Variants in ARHGEF26 observed in about 807,000 individuals in gnomAD.
The protein encoded by ARHGEF26 is Rho guanine nucleotide exchange factor 26, also known as Rho guanine nucleotide exchange factor (GEF) 26.
A neutral mutation model predicts 89.4 loss-of-function variants in ARHGEF26; 59 were observed. The ratio of observed to expected loss-of-function variants is 0.66; its 90% CI spans 0.54 to 0.82. The LOEUF (loss-of-function observed/expected upper bound fraction) is 0.82. Ranked by LOEUF, ARHGEF26 falls within the 40% of genes least tolerant of loss-of-function variation. The probability of loss-of-function intolerance (pLI) is 0.00; values close to 1 mark genes in which losing one functional copy is unlikely to be tolerated. For synonymous variants in ARHGEF26, 500 were observed against 428.4 expected, an observed-to-expected ratio of 1.17 and a Z score of -2.06; for missense variants, 1,234 against 1,085.6, an observed-to-expected ratio of 1.14 and a Z score of -1.92.
intron 9 of ARHGEF26, among the ~76,000 whole-genome samples, chr3:154,203,290 TG>T (rs1427638753): frequency 6.6e-6 from 1 of 152,206 alleles, no homozygotes; most frequent in Admixed American, 6.5e-5. Flanking sequence ...GTTTATATGC[TG>T]GATTACATTT....
At position 154,122,442 on chromosome 3, in the gene ARHGEF26, T is replaced by C; in HGVS notation, c.450T>C (p.Pro150=). The C allele has an allele frequency of 6.2e-7, 1 of 1,611,792 alleles. No homozygotes were observed. The highest frequency in any genetic ancestry group is 2.2e-5 in the East Asian group (1 of 44,832). ...PPPVLRPPRT[P]NAPAPCTPEE... Reference sequence around the variant, plus strand: ...CGGTTCTGCGCCCCCCGCGGACTCCTAACGCGCCCGCCCCCTGCACCCCCG... The same window carrying C: ...CGGTTCTGCGCCCCCCGCGGACTCCCAACGCGCCCGCCCCCTGCACCCCCG... Residue 150 remains proline, a synonymous_variant, in exon 2 of 15, where the codon CCT becomes CCC. Transcript: ENST00000465093.
intron 5 of ARHGEF26, among the ~76,000 whole-genome samples, chr3:154,150,218 AT>A (rs1201692537): frequency 6.6e-6 from 1 of 151,958 alleles, no homozygotes; most frequent in Admixed American, 6.6e-5. Context: ...TTTAAAAAAA[AT>A]AATAGTATAG....
intron 6 of ARHGEF26, chr3:154,187,180 A>G: frequency 2.0e-6 from 2 of 982,262 alleles, no homozygotes; most frequent in Non-Finnish European, 2.4e-6. Flanking sequence ...GTGAGCCACC[A>G]CACCTCCTGG....
chr3:154,201,571 A>G lies in ARHGEF26; in HGVS notation c.1845+6853A>G, dbSNP rs533215210. 4.7e-3 allele frequency among the ~76,000 whole-genome samples: 718 copies of G among 152,312 alleles called. 4 individuals are homozygous for G. Among genetic ancestry groups the G allele is most frequent in the Non-Finnish European group, 8.0e-3 (547 of 68,026 alleles). ...ATTTCTAGTTCTAGATCCCTGAGGA[A>G]TCGCCACACTGACTTCCACAATGGT... On this transcript the variant is annotated intron_variant, in intron 9 of 14. Coordinates refer to ENST00000465093, the MANE Select transcript of ARHGEF26 (RefSeq NM_015595.4).
intron 4 of ARHGEF26, among the ~76,000 whole-genome samples, chr3:154,138,715 A>G (rs761949277): frequency 9.2e-5 from 14 of 152,338 alleles, no homozygotes; most frequent in Non-Finnish European, 2.1e-4. Flanking sequence ...AACAGGGTCC[A>G]GACAGAGAGG....
At chr3:154,234,965 T>C (rs938917246) in intron 11 of ARHGEF26, among the ~76,000 whole-genome samples, 6 of 152,148 alleles carry the variant, frequency 3.9e-5, no homozygotes, top group South Asian at 2.1e-4. Context: ...GGTTTCACCG[T>C]GTTATCCAGG....
intron 4 of ARHGEF26, among the ~76,000 whole-genome samples, chr3:154,146,344 A>G (rs1719707373): frequency 2.0e-5 from 3 of 152,216 alleles, no homozygotes; most frequent in Admixed American, 2.0e-4. Context: ...GGATTTCAAT[A>G]TATGAATTTG....
intron 10 of ARHGEF26, among the ~76,000 whole-genome samples, chr3:154,219,869 G>A (rs913702860): frequency 4.0e-5 from 6 of 150,854 alleles, no homozygotes; most frequent in South Asian, 2.1e-4. Context: ...AGCCGAGATC[G>A]TGCCACTGCA....
chr3:154,221,999 A>G (rs1716161675), intron 10 of ARHGEF26, among the ~76,000 whole-genome samples: 1 of 152,218 alleles, frequency 6.6e-6, no homozygotes, highest in African/African-American at 2.4e-5. Flanking sequence ...TGCCATTTTC[A>G]CATTTATCTG....
Position 154,122,833 on chromosome 3 carries a change from A to G in ARHGEF26, c.841A>G (p.Met281Val), listed in dbSNP as rs769873708. ...CAAGAGACTCCTCAAGGTGCGCAGC[A>G]TGGTGGAGGGCCTAGGAGGACCCCT... ...PHKRLLKVRSMVEGLGGPLGH... is the reference protein window; with the variant it reads ...PHKRLLKVRSVVEGLGGPLGH... Residue 281 changes from methionine (M) to valine (V), a missense_variant, in exon 2 of 15, where the codon ATG becomes GTG. Physicochemically the swap from Met to Val is conservative, Grantham distance 21. Coordinates refer to ENST00000465093, the MANE Select transcript of ARHGEF26 (RefSeq NM_015595.4). 25 of 1,612,866 alleles carry G rather than the reference A, an allele frequency of 1.6e-5. No homozygotes were observed. Among genetic ancestry groups the G allele is most frequent in the Non-Finnish European group, 1.9e-5 (23 of 1,179,486 alleles).
chr3:154,212,251 A>AG (rs1484624110), intron 9 of ARHGEF26, among the ~76,000 whole-genome samples: 1 of 151,732 alleles, frequency 6.6e-6, no homozygotes, highest in African/African-American at 2.4e-5. Flanking sequence ...GGATTGCTTG[A>AG]GCCCAGGTTG....
At chr3:154,238,223 A>G (rs1194157346) in intron 11 of ARHGEF26, among the ~76,000 whole-genome samples, 3 of 152,190 alleles carry the variant, frequency 2.0e-5, no homozygotes, top group African/African-American at 4.8e-5. Flanking sequence ...GTCTACTTTG[A>G]TAAGTCTCAT....
At chr3:154,250,316 C>T (rs1232892067) in intron 12 of ARHGEF26, among the ~76,000 whole-genome samples, 1 of 152,164 alleles carries the variant, frequency 6.6e-6, no homozygotes, top group Non-Finnish European at 1.5e-5. Context: ...TGTGAGCCGC[C>T]CCGCCCGGCC....
At chr3:154,218,667 T>C (rs1297907787) in intron 10 of ARHGEF26, among the ~76,000 whole-genome samples, 2 of 152,234 alleles carry the variant, frequency 1.3e-5, no homozygotes, top group Non-Finnish European at 2.9e-5. Flanking sequence ...CTAGTAAAAG[T>C]GTTTCTATTT....
chr3:154,135,053 G>C (rs540780996), intron 4 of ARHGEF26, among the ~76,000 whole-genome samples: 1 of 152,140 alleles, frequency 6.6e-6, no homozygotes, highest in South Asian at 2.1e-4. Flanking sequence ...TTTTGTTGTT[G>C]TATCTCTGCC....
At position 154,122,363 on chromosome 3, in the gene ARHGEF26, C is replaced by T. The variant is rs943163363; in HGVS notation, c.371C>T (p.Ser124Phe). 3 of 1,612,416 alleles carry T rather than the reference C, an allele frequency of 1.9e-6. No homozygotes were observed. The highest frequency in any genetic ancestry group is 3.3e-4 in the Middle Eastern group (2 of 6,060). Reference sequence around the variant, plus strand: ...CTCCCCAAAGCGGTGCCTGGCGGCTCCCCGAAATCCCCAGCAAATGGCGCG... The same window carrying T: ...CTCCCCAAAGCGGTGCCTGGCGGCTTCCCGAAATCCCCAGCAAATGGCGCG... ...PKLPKAVPGG[S>F]PKSPANGAVT... Residue 124 changes from serine to phenylalanine, a missense_variant, in exon 2 of 15, where the codon TCC becomes TTC. By Grantham distance (155) the Ser-to-Phe change is radical. Transcript: ENST00000465093.
At chr3:154,242,575 A>T (rs1176138543) in intron 12 of ARHGEF26, among the ~76,000 whole-genome samples, 2 of 152,234 alleles carry the variant, frequency 1.3e-5, no homozygotes, top group Non-Finnish European at 2.9e-5. Context: ...TGTGGAAATG[A>T]CAACAAAGGA....
At chr3:154,151,910 T>A (rs545746969) in intron 5 of ARHGEF26, among the ~76,000 whole-genome samples, 1 of 152,350 alleles carries the variant, frequency 6.6e-6, no homozygotes, top group Non-Finnish European at 1.5e-5. Context: ...CCAGGAAGGC[T>A]GTGAATCTTA....
intron 7 of ARHGEF26, among the ~76,000 whole-genome samples, chr3:154,190,362 A>G (rs1226594033): frequency 6.6e-6 from 1 of 152,180 alleles, no homozygotes. Context: ...TACAAAAATT[A>G]GCTGGGCGTC....
Sources: allele counts gnomAD v4.1 joint callset (sites outside exome capture counted in the v4.1 genomes callset), GRCh38; gene constraint gnomAD v4.1.1; transcripts MANE v1.5; gene names NCBI Gene and HGNC (gene_info 2026-07-23, HGNC 2026-07-21).